AIG1: variants seen among roughly 807,000 people sequenced by gnomAD.
The protein encoded by AIG1 is androgen-induced gene 1 protein.
A neutral mutation model predicts 31.4 loss-of-function variants in AIG1; 23 were observed. That is an observed-to-expected ratio of 0.73 (90% CI 0.53 to 1.04). The LOEUF is 1.04. AIG1 is among the 50% of genes least tolerant of loss of function. The pLI, the probability that AIG1 is intolerant of heterozygous loss-of-function variation, is 0.00. For missense variants in AIG1, 274 were observed against 295.0 expected, an observed-to-expected ratio of 0.93 and a Z score of 0.52; for synonymous variants, 100 against 110.5, an observed-to-expected ratio of 0.90 and a Z score of 0.60.
downstream of AIG1, chr6:143,343,031 G>A: frequency 1.2e-6 from 1 of 818,226 alleles, no homozygotes. Context: ...AGTTATGTGT[G>A]TAAAGTTGCC....
chr6:143,148,162 T>G (rs1244157546), intron 2 of AIG1, among the ~76,000 whole-genome samples: 1 of 152,030 alleles, frequency 6.6e-6, no homozygotes, highest in African/African-American at 2.4e-5. Context: ...GACGTTTTCA[T>G]CAGTGACAGA....
intron 1 of AIG1, chr6:143,094,223 T>C (rs1779554314): frequency 1.3e-5 from 2 of 152,218 alleles, no homozygotes; most frequent in South Asian, 4.1e-4. Context: ...TAAGATTCTT[T>C]TCCGTTTGAC....
chr6:143,164,175 G>C (rs1786696740), intron 2 of AIG1, among the ~76,000 whole-genome samples: 1 of 152,048 alleles, frequency 6.6e-6, no homozygotes, highest in Non-Finnish European at 1.5e-5. Context: ...CCATTTTGTA[G>C]CATTTTTTAT....
At chr6:143,122,487 G>A (rs1782322626) in intron 1 of AIG1, among the ~76,000 whole-genome samples, 1 of 152,088 alleles carries the variant, frequency 6.6e-6, no homozygotes, top group African/African-American at 2.4e-5. Flanking sequence ...TTCTGTTGAT[G>A]CAAGATACTC....
At chr6:143,307,625 C>G (rs1171084640) in intron 4 of AIG1, among the ~76,000 whole-genome samples, 5 of 152,110 alleles carry the variant, frequency 3.3e-5, no homozygotes, top group East Asian at 1.9e-4. Context: ...GGGTGCCTCC[C>G]AGTTAGGCTG....
chr6:143,061,876 A>G (rs1776290527), intron 1 of AIG1, among the ~76,000 whole-genome samples: 1 of 152,256 alleles, frequency 6.6e-6, no homozygotes, highest in Non-Finnish European at 1.5e-5. Context: ...CATGGGCATA[A>G]GGCCCAATAA....
At chr6:143,163,890 C>A (rs368616667) in intron 2 of AIG1, among the ~76,000 whole-genome samples, 2 of 152,046 alleles carry the variant, frequency 1.3e-5, no homozygotes, top group African/African-American at 4.8e-5. Context: ...ATCATATACA[C>A]CCTCCTAATC....
intron 4 of AIG1, among the ~76,000 whole-genome samples, chr6:143,286,617 G>T (rs1288566578): frequency 6.6e-6 from 1 of 152,110 alleles, no homozygotes; most frequent in African/African-American, 2.4e-5. Context: ...ACAGCCAAAG[G>T]TTCGGGATAT....
intron 1 of AIG1, among the ~76,000 whole-genome samples, chr6:143,093,510 CT>C (rs1779492773): frequency 3.9e-5 from 6 of 152,164 alleles, no homozygotes. Context: ...AGGCTGTTTT[CT>C]TTTTTATCAT....
chr6:143,138,629 C>T (rs902885215), intron 2 of AIG1, among the ~76,000 whole-genome samples: 3 of 152,152 alleles, frequency 2.0e-5, no homozygotes, highest in Non-Finnish European at 2.9e-5. Flanking sequence ...CGCAGTGGCT[C>T]ACGCCTGTAA....
At chr6:143,177,501 A>G (rs1305706621) in intron 3 of AIG1, among the ~76,000 whole-genome samples, 4 of 152,196 alleles carry the variant, frequency 2.6e-5, no homozygotes, top group Non-Finnish European at 5.9e-5. Flanking sequence ...ACAGTTGGGT[A>G]AGGTGCTTTG....
intron 3 of AIG1, among the ~76,000 whole-genome samples, chr6:143,241,716 A>G (rs898227828): frequency 6.6e-6 from 1 of 152,190 alleles, no homozygotes; most frequent in African/African-American, 2.4e-5. Flanking sequence ...CATTTAAGCA[A>G]TGCAAGTCGA....
chr6:143,173,947 T>C (rs146860188), intron 3 of AIG1, among the ~76,000 whole-genome samples: 3 of 152,324 alleles, frequency 2.0e-5, no homozygotes, highest in Non-Finnish European at 2.9e-5. Flanking sequence ...TCTGTTGACT[T>C]TCTGTGTTGA....
rs757640031 is a variant in AIG1, at chr6:143,136,912, G to C, written c.219G>C (p.Gln73His). 3.3e-6 allele frequency: 5 copies of C among 1,536,826 alleles called. No individual in the cohort carries two copies. The South Asian group carries it at 6.2e-5, about 19-fold the overall frequency. Residue 73 changes from glutamine (Q) to histidine (H), a missense_variant, in exon 2 of 6, where the codon CAG becomes CAC. Gln to His is a conservative substitution (Grantham distance 24, BLOSUM62 0). Transcript: ENST00000357847. ...TTCTGACTCGAGGAAGTGGGAACCA[G>C]GAGCAAGAGAGGCAGCTCAAGAAGC... is the stretch of plus-strand genomic sequence containing the variant. ...SSLLTRGSGN[Q>H]EQERQLKKLI...
chr6:143,240,891 CTA>C (rs1794192843), intron 3 of AIG1, among the ~76,000 whole-genome samples: 1 of 152,128 alleles, frequency 6.6e-6, no homozygotes, highest in South Asian at 2.1e-4. Flanking sequence ...AGACCATACT[CTA>C]TGAGTATCTG....
chr6:143,184,727 C>A (rs1412374921), intron 3 of AIG1, among the ~76,000 whole-genome samples: 2 of 152,228 alleles, frequency 1.3e-5, no homozygotes, highest in African/African-American at 4.8e-5. Flanking sequence ...TCTTTCTTCA[C>A]CAGTCCCTTT....
At chr6:143,190,732 C>A in intron 3 of AIG1, 1 of 425,186 alleles carries the variant, frequency 2.4e-6, no homozygotes, top group Non-Finnish European at 3.1e-6. Context: ...CTTATCATTG[C>A]AAACTCTCAA....
intron 3 of AIG1, chr6:143,188,117 G>A: frequency 2.0e-6 from 2 of 1,007,844 alleles, no homozygotes; most frequent in Non-Finnish European, 1.2e-6. Context: ...TTAAAATGAA[G>A]GATAAGCCGC....
intron 4 of AIG1, among the ~76,000 whole-genome samples, chr6:143,317,443 C>A (rs1447113072): frequency 6.6e-6 from 1 of 151,990 alleles, no homozygotes; most frequent in Non-Finnish European, 1.5e-5. Context: ...AAGCAGTTGA[C>A]AAAATCCAGC....
Sources: gnomAD v4.1 joint callset for allele counts (sites outside exome capture counted in the v4.1 genomes callset) on GRCh38, gnomAD v4.1.1 for gene constraint, MANE v1.5 for transcripts, NCBI Gene and HGNC (gene_info 2026-07-23, HGNC 2026-07-21) for gene names.